The following FTO variants were observed in gnomAD, a reference collection of about 807,000 sequenced individuals.
FTO encodes alpha-ketoglutarate-dependent dioxygenase FTO.
In FTO, 47 loss-of-function variants were observed where a neutral mutation model predicts 63.9. The observed-to-expected ratio is 0.74, with a 90% CI of 0.58 to 0.94. FTO has a LOEUF of 0.94. Ranked by LOEUF, FTO falls within the 40% of genes least tolerant of loss-of-function variation. FTO has a pLI of 0.00. For synonymous variants in FTO, 207 were observed against 224.4 expected, an observed-to-expected ratio of 0.92 and a Z score of 0.69; for missense variants, 562 against 618.1, an observed-to-expected ratio of 0.91 and a Z score of 0.96.
chr16:53,997,555 C>T (rs1180860795), intron 8 of FTO, among the ~76,000 whole-genome samples: 1 of 104,942 alleles, frequency 9.5e-6, no homozygotes, highest in East Asian at 3.1e-4. Flanking sequence ...CCAAGAAAGA[C>T]AAGGAAAGAA....
intron 8 of FTO, among the ~76,000 whole-genome samples, chr16:54,023,916 C>T (rs2084656747): frequency 6.6e-6 from 1 of 152,098 alleles, no homozygotes; most frequent in South Asian, 2.1e-4. Flanking sequence ...AATTTTGTAT[C>T]ATGCTTTTTT....
chr16:53,764,488 A>AG (rs1567966819), intron 1 of FTO, among the ~76,000 whole-genome samples: 1 of 151,436 alleles, frequency 6.6e-6, no homozygotes, highest in African/African-American at 2.4e-5. Flanking sequence ...AAAAAAAAAA[A>AG]AAAGAAAAGA....
At chr16:54,064,306 C>T (rs1306862437) in intron 8 of FTO, among the ~76,000 whole-genome samples, 3 of 152,172 alleles carry the variant, frequency 2.0e-5, no homozygotes, top group African/African-American at 7.2e-5. Context: ...TATTTGTTAG[C>T]TTTAAGATTC....
chr16:53,995,348 G>A (rs572934179), intron 8 of FTO, among the ~76,000 whole-genome samples: 9 of 152,274 alleles, frequency 5.9e-5, no homozygotes, highest in Middle Eastern at 3.4e-3. Flanking sequence ...CCTAACATAA[G>A]CAATTAAGTG....
At chr16:53,806,898 GT>G (rs1216033733) in intron 1 of FTO, among the ~76,000 whole-genome samples, 1 of 152,144 alleles carries the variant, frequency 6.6e-6, no homozygotes, top group East Asian at 1.9e-4. Flanking sequence ...TCTAAGTATG[GT>G]TTTGTTTTGC....
In FTO at chr16:53,883,632, A is replaced by C. The variant is rs901792823; in HGVS notation, c.1119+3645A>C. 4.0e-5 allele frequency among the ~76,000 whole-genome samples: 6 copies of C among 148,224 alleles called. No homozygotes were observed. In the South Asian group the frequency reaches 6.5e-4, roughly 16 times the overall value. ...GGCGAAACTCTATCTCAAAAAAAAAAAAACAAAAAAAAAAAAACAAATTTG... is the reference window on the plus strand; with the variant it reads ...GGCGAAACTCTATCTCAAAAAAAAACAAACAAAAAAAAAAAAACAAATTTG... On this transcript the variant is annotated intron_variant, in intron 6 of 8. Transcript: ENST00000471389.
intron 8 of FTO, among the ~76,000 whole-genome samples, chr16:54,053,683 C>T (rs1233242101): frequency 5.9e-5 from 9 of 152,166 alleles, no homozygotes; most frequent in African/African-American, 1.2e-4. Flanking sequence ...GGAAGTTACA[C>T]GTGTAACTGA....
chr16:54,080,032 G>C (rs2086102147), intron 8 of FTO, among the ~76,000 whole-genome samples: 1 of 152,118 alleles, frequency 6.6e-6, no homozygotes, highest in Admixed American at 6.6e-5. Flanking sequence ...GAATCTGTTG[G>C]TCGCTCTCCA....
At chr16:53,744,218 A>G (rs1469720120) in intron 1 of FTO, among the ~76,000 whole-genome samples, 1 of 152,204 alleles carries the variant, frequency 6.6e-6, no homozygotes, top group African/African-American at 2.4e-5. Flanking sequence ...CTCGGAGCTC[A>G]TAGAATGGAA....
chr16:54,020,144 A>G (rs557846563), intron 8 of FTO, among the ~76,000 whole-genome samples: 7 of 152,346 alleles, frequency 4.6e-5, no homozygotes, highest in African/African-American at 1.7e-4. Context: ...TGGATTGAAG[A>G]AACCAACCTA....
At chr16:54,086,867 G>A (rs1484535841) in intron 8 of FTO, among the ~76,000 whole-genome samples, 1 of 152,308 alleles carries the variant, frequency 6.6e-6, no homozygotes, top group African/African-American at 2.4e-5. Context: ...TGAACTGAAC[G>A]GGGAGAGCTT....
chr16:53,913,179 C>T (rs2081758519), intron 7 of FTO, among the ~76,000 whole-genome samples: 1 of 152,168 alleles, frequency 6.6e-6, no homozygotes, highest in African/African-American at 2.4e-5. Flanking sequence ...TTTATCATCT[C>T]CCTTAGGAGC....
intron 3 of FTO, among the ~76,000 whole-genome samples, chr16:53,833,518 A>C (rs111474904): frequency 0.03 from 4,507 of 152,286 alleles, 191 homozygotes; most frequent in African/African-American, 0.095. Flanking sequence ...TCTGTATACA[A>C]ATATCTGTGG....
chr16:53,867,238 A>G (rs1764738466), intron 4 of FTO, among the ~76,000 whole-genome samples: 1 of 152,102 alleles, frequency 6.6e-6, no homozygotes, highest in Non-Finnish European at 1.5e-5. Context: ...GAGGTCAAAT[A>G]TTTTTTAAAA....
chr16:53,936,927 C>T (rs897745207), intron 8 of FTO, among the ~76,000 whole-genome samples: 11 of 152,104 alleles, frequency 7.2e-5, no homozygotes, highest in Admixed American at 2.0e-4. Flanking sequence ...GGTTCATTTG[C>T]GATCATATTA....
At chr16:53,756,060 A>G (rs1202860827) in intron 1 of FTO, among the ~76,000 whole-genome samples, 1 of 152,208 alleles carries the variant, frequency 6.6e-6, no homozygotes, top group African/African-American at 2.4e-5. Flanking sequence ...CTAAGTATTA[A>G]TATCAAAACT....
At chr16:53,878,149 T>TTTTTAG (rs58402967) in intron 5 of FTO, among the ~76,000 whole-genome samples, 4,662 of 152,120 alleles carry the variant, frequency 0.031, 240 homozygotes, top group African/African-American at 0.11. Context: ...AATACAAAAA[T>TTTTTAG]TAGCTGGGCG....
At chr16:53,785,647 C>T (rs1005161815) in intron 1 of FTO, among the ~76,000 whole-genome samples, 1 of 152,070 alleles carries the variant, frequency 6.6e-6, no homozygotes, top group African/African-American at 2.4e-5. Flanking sequence ...CGCGGTGGCT[C>T]ATGCCTGTAA....
intron 8 of FTO, among the ~76,000 whole-genome samples, chr16:54,102,732 C>A (rs1431605225): frequency 1.3e-5 from 2 of 152,176 alleles, no homozygotes; most frequent in Non-Finnish European, 2.9e-5. Context: ...ACATTGACAG[C>A]AGCTGGGTAC....
Sources: allele counts gnomAD v4.1 joint callset (sites outside exome capture counted in the v4.1 genomes callset), GRCh38; gene constraint gnomAD v4.1.1; transcripts MANE v1.5; gene names NCBI Gene and HGNC (gene_info 2026-07-23, HGNC 2026-07-21).